Variants in PDZRN4 observed in about 807,000 individuals in gnomAD.
The protein encoded by PDZRN4 is PDZ domain-containing RING finger protein 4.
In PDZRN4, 70 loss-of-function variants were observed where a neutral mutation model predicts 99.0. The observed-to-expected ratio is 0.71, with a 90% CI of 0.58 to 0.86. The LOEUF (loss-of-function observed/expected upper bound fraction) is 0.86. PDZRN4 is among the 40% of genes least tolerant of loss of function. The pLI is 0.00. For missense variants in PDZRN4, 1,474 were observed against 1,331.2 expected (o/e 1.11, Z -1.67); for synonymous variants, 551 against 501.6 (o/e 1.10, Z -1.32).
chr12:41,565,339 G>GAAA (rs150298475), intron 8 of PDZRN4, among the ~76,000 whole-genome samples: 34 of 128,230 alleles, frequency 2.7e-4, no homozygotes, highest in African/African-American at 9.5e-4. Context: ...ATTGCCTATA[G>GAAA]AAAAAAAAAA....
At chr12:41,524,260 A>T (rs1428724830) in intron 5 of PDZRN4, among the ~76,000 whole-genome samples, 1 of 152,190 alleles carries the variant, frequency 6.6e-6, no homozygotes, top group East Asian at 1.9e-4. Flanking sequence ...AAGAATTAAT[A>T]TTCTTAGAAT....
chr12:41,559,206 C>T (rs1381781228), intron 7 of PDZRN4, among the ~76,000 whole-genome samples: 4 of 146,164 alleles, frequency 2.7e-5, no homozygotes, highest in African/African-American at 1.0e-4. Context: ...CACACACACA[C>T]GTGCTGTCAC....
rs1445979859 is a variant in PDZRN4, at chr12:41,573,807, A to G, written c.3028A>G (p.Ile1010Val). 1 of 1,612,932 alleles carries G rather than the reference A, an allele frequency of 6.2e-7. No homozygotes were observed. Among genetic ancestry groups the G allele is most frequent in the Non-Finnish European group, 8.5e-7 (1 of 1,179,588 alleles). ...GAAAATTTTGGACAACTGGATGACA[A>G]TCCAAGAACTGATGACCCATGGGGC... Reference protein sequence around the residue: ...NKKILDNWMTIQELMTHGAKS... With the variant: ...NKKILDNWMTVQELMTHGAKS... Residue 1010 changes from isoleucine (I) to valine (V), a missense_variant, in exon 10 of 10, where the codon ATC becomes GTC. Ile to Val is a conservative substitution (Grantham distance 29, BLOSUM62 3). Coordinates refer to ENST00000402685, the MANE Select transcript of PDZRN4 (RefSeq NM_001164595.2).
chr12:41,394,355 G>A (rs1183362813), intron 3 of PDZRN4, among the ~76,000 whole-genome samples: 1 of 152,172 alleles, frequency 6.6e-6, no homozygotes. Context: ...GCTATTCCAA[G>A]AGTGACAGCC....
intron 3 of PDZRN4, among the ~76,000 whole-genome samples, chr12:41,313,192 C>T (rs1334704396): frequency 1.3e-5 from 2 of 152,092 alleles, no homozygotes; most frequent in African/African-American, 4.8e-5. Flanking sequence ...TTACTCCTAA[C>T]CCTTGTAAAT....
chr12:41,230,553 A>G (rs1026636033), intron 3 of PDZRN4, among the ~76,000 whole-genome samples: 5 of 152,130 alleles, frequency 3.3e-5, no homozygotes, highest in African/African-American at 1.2e-4. Flanking sequence ...CAAAGAATTT[A>G]TCATTACTGA....
At chr12:41,491,398 T>A (rs1937883556) in intron 3 of PDZRN4, among the ~76,000 whole-genome samples, 1 of 152,078 alleles carries the variant, frequency 6.6e-6, no homozygotes, top group Non-Finnish European at 1.5e-5. Flanking sequence ...GGTGCACCCC[T>A]GCAGACCCAG....
chr12:41,535,920 T>C (rs985464081), intron 5 of PDZRN4, among the ~76,000 whole-genome samples: 1 of 152,214 alleles, frequency 6.6e-6, no homozygotes, highest in Admixed American at 6.5e-5. Flanking sequence ...TATTCTGTCC[T>C]AGCTGTGTAA....
intron 5 of PDZRN4, among the ~76,000 whole-genome samples, chr12:41,542,619 A>G (rs145161559): frequency 4.1e-4 from 62 of 152,328 alleles, no homozygotes; most frequent in East Asian, 3.9e-4. Flanking sequence ...ACTTGATTGA[A>G]GAACAGTATC....
At chr12:41,439,792 G>A (rs1253207902) in intron 3 of PDZRN4, among the ~76,000 whole-genome samples, 1 of 152,152 alleles carries the variant, frequency 6.6e-6, no homozygotes, top group African/African-American at 2.4e-5. Context: ...GAAAAATGAA[G>A]TATTAGCTTC....
chr12:41,321,204 T>C (rs552562393), intron 3 of PDZRN4, among the ~76,000 whole-genome samples: 1 of 152,258 alleles, frequency 6.6e-6, no homozygotes, highest in Admixed American at 6.5e-5. Context: ...ATGCAGCCCT[T>C]TAGTGTTTGA....
chr12:41,290,970 G>T (rs1029547142), intron 3 of PDZRN4, among the ~76,000 whole-genome samples: 3 of 151,888 alleles, frequency 2.0e-5, no homozygotes, highest in Admixed American at 1.3e-4. Flanking sequence ...TTAAATGAGA[G>T]AATGAAAGCC....
chr12:41,399,602 G>C (rs895820247), intron 3 of PDZRN4, among the ~76,000 whole-genome samples: 4 of 152,034 alleles, frequency 2.6e-5, no homozygotes, highest in African/African-American at 7.2e-5. Flanking sequence ...TAGGCATGGT[G>C]GTGGGTGCCT....
intron 3 of PDZRN4, among the ~76,000 whole-genome samples, chr12:41,312,198 A>G (rs762085539): frequency 4.0e-5 from 6 of 150,922 alleles, no homozygotes; most frequent in Non-Finnish European, 5.9e-5. Context: ...TAGGGTTTCT[A>G]TTTTTTTCTG....
intron 5 of PDZRN4, among the ~76,000 whole-genome samples, chr12:41,532,053 A>C (rs1249422348): frequency 6.6e-6 from 1 of 152,192 alleles, no homozygotes; most frequent in Non-Finnish European, 1.5e-5. Flanking sequence ...ATTTTTAAAA[A>C]CAATTTGGCC....
rs185940829 is a variant in PDZRN4, at chr12:41,325,725, A to G, written c.843+131537A>G. Among the ~76,000 whole-genome samples, 989 of 152,204 alleles carry G rather than the reference A, an allele frequency of 6.5e-3. 12 individuals are homozygous for G. Among genetic ancestry groups the G allele is most frequent in the South Asian group, 0.018 (85 of 4,814 alleles). ...AGTTAATGTGATTTTCAAACCTTAG[A>G]TATGGTGAAATTAAAAAGTCAGAGT... is the stretch of plus-strand genomic sequence containing the variant. On this transcript the variant is annotated intron_variant, in intron 3 of 9. Transcript: ENST00000402685.
chr12:41,363,809 G>C (rs902007442), intron 3 of PDZRN4, among the ~76,000 whole-genome samples: 2 of 152,042 alleles, frequency 1.3e-5, no homozygotes, highest in African/African-American at 4.8e-5. Context: ...TGGTAGAAAG[G>C]GTGAGCAGAA....
At chr12:41,220,264 A>G (rs1210623732) in intron 3 of PDZRN4, among the ~76,000 whole-genome samples, 5 of 152,028 alleles carry the variant, frequency 3.3e-5, no homozygotes, top group Non-Finnish European at 5.9e-5. Flanking sequence ...TTTCCTTGGC[A>G]TGTAGGTGGC....
At chr12:41,208,905 A>G (rs1950868455) in intron 3 of PDZRN4, among the ~76,000 whole-genome samples, 1 of 151,862 alleles carries the variant, frequency 6.6e-6, no homozygotes, top group Admixed American at 6.6e-5. Context: ...CAGAAGTTTT[A>G]CACATAAAAG....
Sources: gnomAD v4.1 joint callset for allele counts (sites outside exome capture counted in the v4.1 genomes callset) on GRCh38, gnomAD v4.1.1 for gene constraint, MANE v1.5 for transcripts, NCBI Gene and HGNC (gene_info 2026-07-23, HGNC 2026-07-21) for gene names.